WIZ: variants seen among roughly 807,000 people sequenced by gnomAD.
The protein encoded by WIZ is WIZ zinc finger.
Under a neutral mutation model 140.2 loss-of-function variants are expected in WIZ, and 25 were observed. That is an observed-to-expected ratio of 0.18 (90% CI 0.13 to 0.25). WIZ has a LOEUF of 0.25. Among genes scored for constraint, WIZ ranks in the 10% least tolerant of loss-of-function variants. The pLI is 1.00. For synonymous variants in WIZ, 1,125 were observed against 1,154.3 expected (o/e 0.97, Z 0.51); for missense variants, 2,231 against 2,632.6 (o/e 0.85, Z 3.34).
intron 5 of WIZ, among the ~76,000 whole-genome samples, 191 bp from the exon 6 acceptor site, chr19:15,431,373 C>G (rs1421663106): frequency 6.6e-6 from 1 of 152,266 alleles, no homozygotes; most frequent in Non-Finnish European, 1.5e-5. Flanking sequence ...CTGCCACTGA[C>G]AGCAGACGCC....
Position 15,424,542 on chromosome 19 carries a change from G to T in WIZ, c.5314+71C>A. On this transcript the variant is annotated intron_variant, in intron 11 of 12. Transcript: ENST00000673675. The surrounding 1 kb of genome is among the most constrained non-coding windows in gnomAD (Gnocchi z 9.7). ...AAGGACTTAAGGGCCACAGCAGAGCGCCTGGGGAGTGGCTGGGTGGGCCTG... is the reference window on the plus strand; with the variant it reads ...AAGGACTTAAGGGCCACAGCAGAGCTCCTGGGGAGTGGCTGGGTGGGCCTG... 3 of 1,533,228 alleles carry T rather than the reference G, an allele frequency of 2.0e-6. No individual in the cohort carries two copies. The highest frequency in any genetic ancestry group is 1.2e-5 in the South Asian group (1 of 80,616). The allele number at this position is 1,533,228 out of a possible 1,614,324, so 95.0% of individuals were successfully genotyped here. A position where few individuals can be genotyped will look rare whatever the true frequency, so the allele number is the denominator to read the frequency against.
At chr19:15,436,604 G>C (rs1278123981) in intron 5 of WIZ, 2 of 533,330 alleles carry the variant, frequency 3.8e-6, no homozygotes, top group Admixed American at 8.3e-5. Context: ...GATCCAGAAA[G>C]AGACCTGGCC....
rs1290100169 is a variant in WIZ, at chr19:15,440,605, A to G, written c.389T>C (p.Val130Ala). 5.2e-6 allele frequency: 8 copies of G among 1,535,670 alleles called. No homozygotes were observed. In the Admixed American group the frequency reaches 1.6e-4, roughly 30 times the overall value. The part of the protein sequence containing the change: ...DGRGPWEHPL[V>A]QEAGEGILSE... Reference sequence around the variant, plus strand: ...TAGGATGCCCTCCCCAGCCTCCTGGACAAGGGGGTGCTCCCAGGGCCCCCG... The same window carrying G: ...TAGGATGCCCTCCCCAGCCTCCTGGGCAAGGGGGTGCTCCCAGGGCCCCCG... The change falls in exon 4 of 13, where the codon GTC (valine) becomes GCC (alanine). Residue 130 changes from valine to alanine, a missense_variant. Around this residue, in one of 15 missense-constraint regions of WIZ, gnomAD observed 307 missense variants for 294.1 expected, o/e 1.04. Transcript: ENST00000673675. This position sits in a 1 kb window ranked among gnomAD's most constrained non-coding sequence, Gnocchi z 6.2.
chr19:15,436,915 C>T lies in WIZ; in HGVS notation c.2631G>A (p.Glu877=). The T allele has an allele frequency of 6.2e-7, 1 of 1,612,858 alleles. No homozygotes were observed. Among genetic ancestry groups the T allele is most frequent in the Non-Finnish European group, 8.5e-7 (1 of 1,179,538 alleles). Residue 877 remains glutamate, a synonymous_variant, in exon 5 of 13, where the codon GAG becomes GAA. Coordinates refer to ENST00000673675, the MANE Select transcript of WIZ (RefSeq NM_001371589.1). ...GGAAGCTGCCAGGCGGACCCCCAGG[C>T]TCTCGGCCCAGGGGGCTGGGGGGCT... ...AEQPPSPLGR[E]PGGPPGSFLT... is the part of the protein sequence containing the mutation.
intron 5 of WIZ, chr19:15,432,335 G>C (rs1047791160): frequency 7.7e-6 from 5 of 645,926 alleles, no homozygotes; most frequent in Non-Finnish European, 9.6e-6. Flanking sequence ...GGGGAGGGGG[G>C]GGTCCCGCAG....
chr19:15,425,309 G>T lies in WIZ; in HGVS notation c.4826C>A (p.Ala1609Asp). Residue 1609 changes from alanine to aspartate, a missense_variant, in exon 10 of 13, where the codon GCC becomes GAC. This residue lies in a region of WIZ where 393 missense variants were observed against 451.7 expected (regional missense o/e 0.87). Transcript: ENST00000673675. Reference sequence around the variant, plus strand: ...CAGTTCAGTCTGGATGTAGGTCTTGGCCTTGACCTCTGCTGGGAGGAGGCG... The same window carrying T: ...CAGTTCAGTCTGGATGTAGGTCTTGTCCTTGACCTCTGCTGGGAGGAGGCG... Reference protein sequence around the residue: ...EDRLLPAEVKAKTYIQTELPF... With the variant: ...EDRLLPAEVKDKTYIQTELPF... 6.3e-7 allele frequency: 1 copy of T among 1,585,474 alleles called. No individual in the cohort carries two copies. Among genetic ancestry groups the T allele is most frequent in the East Asian group, 2.3e-5 (1 of 43,344 alleles).
chr19:15,427,682 G>T lies in WIZ; in HGVS notation c.3815-149C>A. ...CAGGTGCAGGTAAGGGAGTGGAGGA[G>T]CGGGGCTGGGGGCCAGATACCCGGC... On this transcript the variant is annotated intron_variant, in intron 8 of 12. Transcript: ENST00000673675. This position sits in a 1 kb window ranked among gnomAD's most constrained non-coding sequence, Gnocchi z 6.4. The T allele has an allele frequency of 1.1e-6, 1 of 905,512 alleles. No individual in the cohort carries two copies. Among genetic ancestry groups the T allele is most frequent in the Non-Finnish European group, 1.6e-6 (1 of 614,802 alleles). The allele number at this position is 905,512 out of a possible 1,614,324, so 56.1% of individuals were successfully genotyped here. A position where few individuals can be genotyped will look rare whatever the true frequency, so the allele number is the denominator to read the frequency against.
chr19:15,440,859 G>C lies in WIZ; in HGVS notation c.279-144C>G. On this transcript the variant is annotated intron_variant, in intron 3 of 12. Transcript: ENST00000673675. This position sits in a 1 kb window ranked among gnomAD's most constrained non-coding sequence, Gnocchi z 6.2. ...GACAGGGGTGTGGGGGTGAGGGTGGGAGGTAGGGGGAGTCCACGTGGATCC... is the reference window on the plus strand; with the variant it reads ...GACAGGGGTGTGGGGGTGAGGGTGGCAGGTAGGGGGAGTCCACGTGGATCC... 2 of 704,998 alleles carry C rather than the reference G, an allele frequency of 2.8e-6. No individual in the cohort carries two copies. Among genetic ancestry groups the C allele is most frequent in the Non-Finnish European group, 2.3e-6 (1 of 441,486 alleles). 43.7% of individuals were successfully genotyped at this position (704,998 alleles called of 1,614,324 possible).
rs776882778 is a variant in WIZ at position 15,440,783 on chromosome 19, G to A, written c.279-68C>T. The A allele has an allele frequency of 6.9e-5, 98 of 1,418,600 alleles. No individual in the cohort carries two copies. The highest frequency in any genetic ancestry group is 5.1e-4 in the Middle Eastern group (2 of 3,886). 87.9% of individuals were successfully genotyped at this position (1,418,600 alleles called of 1,614,324 possible). A position where few individuals can be genotyped will look rare whatever the true frequency, so the allele number is the denominator to read the frequency against. On this transcript the variant is annotated intron_variant, in intron 3 of 12. Coordinates refer to ENST00000673675, the MANE Select transcript of WIZ (RefSeq NM_001371589.1). The surrounding 1 kb of genome is among the most constrained non-coding windows in gnomAD (Gnocchi z 6.2). ...AGTTTTCCTTCCTAGGGTGGTGATG[G>A]GGGTCCTCCCAGGCCGTTTGAAGCA... is the stretch of plus-strand genomic sequence containing the variant.
chr19:15,446,337 C>A (rs931319265), intron 2 of WIZ, among the ~76,000 whole-genome samples: 3 of 152,152 alleles, frequency 2.0e-5, no homozygotes, highest in Non-Finnish European at 4.4e-5. Context: ...CCCTGGGATC[C>A]CTAGAGCCTG....
rs781123237 is a variant in WIZ at position 15,425,401 on chromosome 19, A to G, written c.4734T>C (p.Thr1578=). The part of the protein sequence containing the change: ...VPRELSLTPI[T]GAKPSATGYL... ...AGCCAGTGGCTGAGGGCTTGGCCCC[A>G]GTGATGGGCGTCAGGCTGAGCTCAC... The change falls in exon 10 of 13, where the codon ACT becomes ACC. Residue 1578 remains threonine (T), a synonymous_variant. Coordinates refer to ENST00000673675, the MANE Select transcript of WIZ (RefSeq NM_001371589.1). The G allele has an allele frequency of 6.4e-7, 1 of 1,557,478 alleles. No homozygotes were observed. The highest frequency in any genetic ancestry group is 1.2e-5 in the South Asian group (1 of 85,380).
intron 2 of WIZ, among the ~76,000 whole-genome samples, chr19:15,446,900 C>T (rs1027529396): frequency 3.9e-5 from 6 of 152,176 alleles, no homozygotes; most frequent in African/African-American, 9.7e-5. Flanking sequence ...TATAAATATC[C>T]GAGCATCATG....
At chr19:15,437,793 G>A (rs1259477478) in intron 4 of WIZ, among the ~76,000 whole-genome samples, 1 of 152,178 alleles carries the variant, frequency 6.6e-6, no homozygotes, top group African/African-American at 2.4e-5. Flanking sequence ...AATATTTGTT[G>A]GATGAAGAAA....
chr19:15,424,980 G>A lies in WIZ; in HGVS notation c.4947C>T (p.Ala1649=). The A allele has an allele frequency of 1.9e-6, 3 of 1,603,606 alleles. No homozygotes were observed. The highest frequency in any genetic ancestry group is 2.6e-6 in the Non-Finnish European group (3 of 1,176,380). ...LCGLYFENRK[A]LASHARAHLR... ...GGTGTGCCCGTGCGTGGCTGGCCAGGGCCTTGCGGTTTTCAAAGTAAAGGC... is the reference window on the plus strand; with the variant it reads ...GGTGTGCCCGTGCGTGGCTGGCCAGAGCCTTGCGGTTTTCAAAGTAAAGGC... The change falls in exon 11 of 13, where the codon GCC becomes GCT. Residue 1649 remains alanine (A), a synonymous_variant. Transcript: ENST00000673675. This position sits in a 1 kb window ranked among gnomAD's most constrained non-coding sequence, Gnocchi z 9.7.
rs1568283874 is a variant in WIZ at position 15,424,107 on chromosome 19, C to T, written c.5510+76G>A. ...GCGACACCTCCCAGCTTCCACCAAA[C>T]CCTATCCTGTTCCAAGGCTCCGGGT... On this transcript the variant is annotated intron_variant, in intron 12 of 12. Coordinates refer to ENST00000673675, the MANE Select transcript of WIZ (RefSeq NM_001371589.1). The surrounding 1 kb of genome is among the most constrained non-coding windows in gnomAD (Gnocchi z 9.7). 2 of 1,359,066 alleles carry T rather than the reference C, an allele frequency of 1.5e-6. No homozygotes were observed. Among genetic ancestry groups the T allele is most frequent in the Non-Finnish European group, 1.9e-6 (2 of 1,031,370 alleles). 84.2% of individuals were successfully genotyped at this position (1,359,066 alleles called of 1,614,324 possible).
rs1450229661 is a variant in WIZ at position 15,425,367 on chromosome 19, A to G, written c.4768T>C (p.Ser1590Pro). ...TGCAGGGGCCGCTTGGCTGCCACTG[A>G]GCCCAGGTAGCCAGTGGCTGAGGGC... ...AKPSATGYLG[S>P]VAAKRPLQED... Residue 1590 changes from serine (S) to proline (P), a missense_variant, in exon 10 of 13, where the codon TCA (serine) becomes CCA (proline). Physicochemically the swap from Ser to Pro is moderately conservative, Grantham distance 74. This residue lies in a region of WIZ where 393 missense variants were observed against 451.7 expected (regional missense o/e 0.87). Transcript: ENST00000673675. 9 of 1,557,074 alleles carry G rather than the reference A, an allele frequency of 5.8e-6. No individual in the cohort carries two copies. Among genetic ancestry groups the G allele is most frequent in the Non-Finnish European group, 7.0e-6 (8 of 1,150,542 alleles).
At chr19:15,431,227 G>C in intron 5 of WIZ, 45 bp from the exon 6 acceptor site, 2 of 1,462,366 alleles carry the variant, frequency 1.4e-6, no homozygotes, top group Non-Finnish European at 1.8e-6. Context: ...ATTTCAGGCT[G>C]TCTATACCCA....
chr19:15,431,263 T>C, intron 5 of WIZ, 81 bp from the exon 6 acceptor site: 9 of 1,406,300 alleles, frequency 6.4e-6, no homozygotes, highest in South Asian at 6.1e-5. Context: ...CCTTCTTCCT[T>C]ATCCTTGATG....
intron 5 of WIZ, chr19:15,432,466 G>A: frequency 2.0e-6 from 2 of 982,364 alleles, no homozygotes; most frequent in African/African-American, 3.5e-5. Flanking sequence ...CCCGGGCCCC[G>A]GCTCCGGCTC....
Sources: allele counts gnomAD v4.1 joint callset (sites outside exome capture counted in the v4.1 genomes callset), GRCh38; gene constraint gnomAD v4.1.1; regional missense constraint gnomAD v4.1.1; non-coding constraint Gnocchi (gnomAD v3.1); transcripts MANE v1.5; gene names NCBI Gene and HGNC (gene_info 2026-07-23, HGNC 2026-07-21).